SGCZ: variants seen among roughly 807,000 people sequenced by gnomAD.
The protein encoded by SGCZ is sarcoglycan zeta, also known as zeta-sarcoglycan.
A neutral mutation model predicts 41.3 loss-of-function variants in SGCZ; 40 were observed. The observed-to-expected ratio is 0.97, with a 90% CI of 0.75 to 1.26. SGCZ has a LOEUF of 1.26. Ranked by LOEUF, SGCZ falls within the 50% of genes most tolerant of loss-of-function variation. The pLI is 0.00. For synonymous variants in SGCZ, 206 were observed against 137.5 expected (o/e 1.50, Z -3.49); for missense variants, 552 against 369.8 (o/e 1.49, Z -4.04).
chr8:14,236,973 A>G (rs1216977281), intron 4 of SGCZ, among the ~76,000 whole-genome samples: 2 of 152,068 alleles, frequency 1.3e-5, no homozygotes, highest in Non-Finnish European at 2.9e-5. Context: ...TATAATTTCA[A>G]CATCAAATAT....
intron 1 of SGCZ, among the ~76,000 whole-genome samples, chr8:15,064,112 T>C (rs1001040412): frequency 2.6e-5 from 4 of 152,172 alleles, no homozygotes; most frequent in African/African-American, 9.7e-5. Flanking sequence ...GAAGTTCTTG[T>C]CTCTTTCTTC....
intron 3 of SGCZ, among the ~76,000 whole-genome samples, chr8:14,308,154 G>C (rs1203395587): frequency 6.6e-6 from 1 of 152,004 alleles, no homozygotes; most frequent in East Asian, 1.9e-4. Flanking sequence ...CTTCAAAGGA[G>C]ATTTCAATTG....
Position 14,114,986 on chromosome 8 carries a change from A to G in SGCZ, c.548-6751T>C, listed in dbSNP as rs187047142. Among the ~76,000 whole-genome samples the G allele has an allele frequency of 2.2e-4, 34 of 152,136 alleles. No individual in the cohort carries two copies. The East Asian group carries it at 5.0e-3, about 22-fold the overall frequency. Reference sequence around the variant, plus strand: ...CCAAATTGAATGAATATGTGGTTTGATGGAAACGACATTTTTAAAAATTGT... The same window carrying G: ...CCAAATTGAATGAATATGTGGTTTGGTGGAAACGACATTTTTAAAAATTGT... On this transcript the variant is annotated intron_variant, in intron 5 of 7. Transcript: ENST00000382080.
Position 15,130,997 on chromosome 8 carries a change from G to T in SGCZ, c.39+106588C>A, listed in dbSNP as rs374765081. On this transcript the variant is annotated intron_variant, in intron 1 of 7. Coordinates refer to ENST00000382080, the MANE Select transcript of SGCZ (RefSeq NM_139167.4). ...AAATGAATGAACTCAGCAGCCTGTAGTTTCAAATGAAGTTACTAGGATTTT... is the reference window on the plus strand; with the variant it reads ...AAATGAATGAACTCAGCAGCCTGTATTTTCAAATGAAGTTACTAGGATTTT... Among the ~76,000 whole-genome samples, 101 of 152,248 alleles carry T rather than the reference G, an allele frequency of 6.6e-4. No homozygotes were observed. The South Asian group carries it at 0.021, about 31-fold the overall frequency.
At chr8:14,710,528 G>A (rs370254344) in intron 1 of SGCZ, among the ~76,000 whole-genome samples, 4 of 152,002 alleles carry the variant, frequency 2.6e-5, no homozygotes, top group East Asian at 3.9e-4. Context: ...AGAAATTCCA[G>A]TCTTTATAAA....
chr8:14,968,599 T>A (rs907289562), intron 1 of SGCZ, among the ~76,000 whole-genome samples: 1 of 152,164 alleles, frequency 6.6e-6, no homozygotes, highest in African/African-American at 2.4e-5. Flanking sequence ...GTACTGTAGA[T>A]GACGTGTGTA....
chr8:15,138,453 G>A (rs568428029), intron 1 of SGCZ, among the ~76,000 whole-genome samples: 7 of 151,948 alleles, frequency 4.6e-5, no homozygotes, highest in African/African-American at 1.2e-4. Context: ...ATGGTTGGGC[G>A]GCACCCCCAC....
chr8:14,209,614 T>C (rs933570791), intron 4 of SGCZ, among the ~76,000 whole-genome samples: 2 of 152,196 alleles, frequency 1.3e-5, no homozygotes, highest in African/African-American at 2.4e-5. Context: ...GACATGTTCA[T>C]ATTATATTAA....
Position 14,244,660 on chromosome 8 carries a change from T to C in SGCZ, c.337-6981A>G, listed in dbSNP as rs945416537. 8.6e-5 allele frequency among the ~76,000 whole-genome samples: 13 copies of C among 151,802 alleles called. No individual in the cohort carries two copies. In the East Asian group the frequency reaches 1.2e-3, roughly 14 times the overall value. On this transcript the variant is annotated intron_variant, in intron 3 of 7. Coordinates refer to ENST00000382080, the MANE Select transcript of SGCZ (RefSeq NM_139167.4). ...CATTGGTAGCTTGATGGGGATGGCA[T>C]AGAATCTATAAATTATCTTGGGCAG...
At chr8:14,229,099 T>G (rs1418206917) in intron 4 of SGCZ, among the ~76,000 whole-genome samples, 1 of 152,084 alleles carries the variant, frequency 6.6e-6, no homozygotes, top group East Asian at 1.9e-4. Flanking sequence ...CTTTCAGGTT[T>G]TAGTCTAGGT....
rs1279520172 is a variant in SGCZ, at chr8:14,190,011, TTTC to T, written c.425-25312_425-25310del. Among the ~76,000 whole-genome samples, 3 of 34,154 alleles carry T rather than the reference TTTC, an allele frequency of 8.8e-5. 1 individual carries two copies. Among genetic ancestry groups the T allele is most frequent in the Admixed American group, 4.5e-4 (1 of 2,206 alleles). The allele number at this position is 34,154 out of a possible 152,430, so 22.4% of individuals were successfully genotyped here. ...GGAGAATCTACTTTTTCTTTCTTTC[TTTC>T]TTTTTTTTTTTTTTTTGAGACGGAC... On this transcript the variant is annotated intron_variant, in intron 4 of 7. Coordinates refer to ENST00000382080, the MANE Select transcript of SGCZ (RefSeq NM_139167.4).
At chr8:15,182,460 C>T (rs1186824613) in intron 1 of SGCZ, among the ~76,000 whole-genome samples, 1 of 152,174 alleles carries the variant, frequency 6.6e-6, no homozygotes, top group Non-Finnish European at 1.5e-5. Context: ...TACTCCTAGG[C>T]TACAAACATG....
At chr8:14,109,208 G>A (rs1293751661) in intron 5 of SGCZ, among the ~76,000 whole-genome samples, 9 of 152,260 alleles carry the variant, frequency 5.9e-5, no homozygotes, top group East Asian at 5.8e-4. Context: ...GTAGCTTTCC[G>A]AAGAGGTCAT....
chr8:15,126,105 C>G (rs1807670838), intron 1 of SGCZ, among the ~76,000 whole-genome samples: 1 of 152,206 alleles, frequency 6.6e-6, no homozygotes, highest in Non-Finnish European at 1.5e-5. Flanking sequence ...AAGATCGTGT[C>G]ATCGCATTCC....
chr8:14,822,262 T>C (rs1011341793), intron 1 of SGCZ, among the ~76,000 whole-genome samples: 2 of 152,120 alleles, frequency 1.3e-5, no homozygotes, highest in Non-Finnish European at 2.9e-5. Flanking sequence ...AAATGATAGC[T>C]AAGAATAAAC....
At chr8:14,160,341 T>C (rs979117918) in intron 5 of SGCZ, among the ~76,000 whole-genome samples, 4 of 152,224 alleles carry the variant, frequency 2.6e-5, no homozygotes, top group African/African-American at 9.6e-5. Context: ...AGATTGCAGT[T>C]GATTGATTCT....
intron 1 of SGCZ, among the ~76,000 whole-genome samples, chr8:15,172,363 T>A (rs986762248): frequency 1.3e-5 from 2 of 151,176 alleles, no homozygotes; most frequent in Non-Finnish European, 2.9e-5. Flanking sequence ...GGTTTCACCG[T>A]GTCAGCCAGG....
chr8:14,329,626 G>C lies in SGCZ; in HGVS notation c.235-5422C>G, dbSNP rs575285839. Among the ~76,000 whole-genome samples, 16 of 151,992 alleles carry C rather than the reference G, an allele frequency of 1.1e-4. No homozygotes were observed. The South Asian group carries it at 1.2e-3, about 12-fold the overall frequency. On this transcript the variant is annotated intron_variant, in intron 2 of 7. Coordinates refer to ENST00000382080, the MANE Select transcript of SGCZ (RefSeq NM_139167.4). ...GCCCAAAGTGTCACCTTAGCCTCTGGGTATAGATCTGTGTCCTCCATTTTG... is the reference window on the plus strand; with the variant it reads ...GCCCAAAGTGTCACCTTAGCCTCTGCGTATAGATCTGTGTCCTCCATTTTG...
At chr8:14,833,153 G>A (rs1802588223) in intron 1 of SGCZ, among the ~76,000 whole-genome samples, 2 of 152,062 alleles carry the variant, frequency 1.3e-5, no homozygotes, top group African/African-American at 2.4e-5. Flanking sequence ...GAATAATGTA[G>A]TATTAATGTA....
Sources: gnomAD v4.1 joint callset for allele counts (sites outside exome capture counted in the v4.1 genomes callset) on GRCh38, gnomAD v4.1.1 for gene constraint, MANE v1.5 for transcripts, NCBI Gene and HGNC (gene_info 2026-07-23, HGNC 2026-07-21) for gene names.